Variants in MALRD1 observed in about 807,000 individuals in gnomAD.
MALRD1 encodes MAM and LDL receptor class A domain containing 1.
A neutral mutation model predicts 242.1 loss-of-function variants in MALRD1; 247 were observed. The ratio of observed to expected loss-of-function variants is 1.02; its 90% CI spans 0.92 to 1.13. The LOEUF (loss-of-function observed/expected upper bound fraction) is 1.13, where lower values mean the gene tolerates loss of function less well. Ranked by LOEUF, MALRD1 falls within the 50% of genes most tolerant of loss-of-function variation. The pLI, the probability that MALRD1 is intolerant of heterozygous loss-of-function variation, is 0.00. For synonymous variants in MALRD1, 995 were observed against 866.6 expected (o/e 1.15, Z -2.60); for missense variants, 2,989 against 2,533.1 (o/e 1.18, Z -3.86).
intron 29 of MALRD1, among the ~76,000 whole-genome samples, chr10:19,486,556 C>G (rs1219260811): frequency 6.6e-6 from 1 of 152,092 alleles, no homozygotes; most frequent in Non-Finnish European, 1.5e-5. Context: ...GTTTTGTCAA[C>G]TAAATACCAT....
chr10:19,177,052 G>A (rs377122111), intron 14 of MALRD1, among the ~76,000 whole-genome samples: 7 of 152,040 alleles, frequency 4.6e-5, no homozygotes, highest in Non-Finnish European at 7.4e-5. Flanking sequence ...TGAGCCGGGC[G>A]GATCAGTTGA....
intron 32 of MALRD1, among the ~76,000 whole-genome samples, chr10:19,536,484 A>G (rs1244240194): frequency 2.6e-5 from 4 of 151,832 alleles, no homozygotes; most frequent in Non-Finnish European, 4.4e-5. Flanking sequence ...GAAACATTCT[A>G]CATATGGTAG....
At chr10:19,643,927 C>T (rs983780644) in intron 36 of MALRD1, among the ~76,000 whole-genome samples, 1 of 152,120 alleles carries the variant, frequency 6.6e-6, no homozygotes, top group African/African-American at 2.4e-5. Context: ...AGTATCTTCC[C>T]CAGCTCCCTT....
At chr10:19,129,018 A>G (rs750496138) in intron 8 of MALRD1, among the ~76,000 whole-genome samples, 26 of 152,084 alleles carry the variant, frequency 1.7e-4, no homozygotes, top group African/African-American at 2.4e-4. Flanking sequence ...AGCACTCCCA[A>G]TATCTCACTT....
Position 19,209,521 on chromosome 10 carries a change from C to T in MALRD1, c.2832C>T (p.Arg944=). 1 of 1,550,758 alleles carries T rather than the reference C, an allele frequency of 6.4e-7. No homozygotes were observed. The highest frequency in any genetic ancestry group is 2.4e-5 in the East Asian group (1 of 40,918). ...CTGATACAAAAGGCTGCACCTTCCGCTTCTATTACCACATGTTTGGAAAGC... is the reference window on the plus strand; with the variant it reads ...CTGATACAAAAGGCTGCACCTTCCGTTTCTATTACCACATGTTTGGAAAGC... ...NATDTKGCTF[R]FYYHMFGKRI... Residue 944 remains arginine, a synonymous_variant, in exon 18 of 40, where the codon CGC becomes CGT. Transcript: ENST00000454679.
chr10:19,431,397 T>A (rs1834121272), intron 28 of MALRD1, among the ~76,000 whole-genome samples: 2 of 152,198 alleles, frequency 1.3e-5, no homozygotes, highest in South Asian at 4.1e-4. Context: ...GTTAAGGAAA[T>A]ACAAAATAGC....
intron 28 of MALRD1, among the ~76,000 whole-genome samples, chr10:19,446,924 C>G (rs1835016177): frequency 1.3e-5 from 2 of 152,042 alleles, no homozygotes; most frequent in Non-Finnish European, 2.9e-5. Context: ...TTCACTTTCA[C>G]AATTTAGAAT....
chr10:19,065,287 C>CAAAAAAAA (rs1197670439), intron 1 of MALRD1, among the ~76,000 whole-genome samples: 39 of 50,618 alleles, frequency 7.7e-4, no homozygotes, highest in Middle Eastern at 0.017. Context: ...AACGCTGTCT[C>CAAAAAAAA]AAAAAAAAAA....
chr10:19,078,478 G>T (rs978135904), intron 2 of MALRD1, among the ~76,000 whole-genome samples: 5 of 151,814 alleles, frequency 3.3e-5, no homozygotes, highest in Non-Finnish European at 7.4e-5. Flanking sequence ...TTGTTCTCTT[G>T]TTTGCTTTTC....
intron 32 of MALRD1, among the ~76,000 whole-genome samples, chr10:19,531,971 A>C (rs1780833992): frequency 6.6e-6 from 1 of 152,164 alleles, no homozygotes; most frequent in Non-Finnish European, 1.5e-5. Flanking sequence ...AGTGTTATTA[A>C]CTTACAATTA....
At chr10:19,076,738 T>A (rs1440665991) in intron 2 of MALRD1, among the ~76,000 whole-genome samples, 1 of 152,034 alleles carries the variant, frequency 6.6e-6, no homozygotes, top group Admixed American at 6.6e-5. Context: ...AGTCTTATAA[T>A]TTTGTTATTT....
At chr10:19,694,114 A>G (rs1055865897) in intron 38 of MALRD1, among the ~76,000 whole-genome samples, 16 of 152,270 alleles carry the variant, frequency 1.1e-4, no homozygotes, top group South Asian at 2.1e-4. Flanking sequence ...ACCTAAAACC[A>G]TAAAAACCCT....
intron 21 of MALRD1, among the ~76,000 whole-genome samples, chr10:19,290,961 A>T (rs1236341902): frequency 6.6e-6 from 1 of 152,094 alleles, no homozygotes; most frequent in South Asian, 2.1e-4. Flanking sequence ...CAGTGTTTCT[A>T]TAGTATGTAA....
intron 36 of MALRD1, among the ~76,000 whole-genome samples, chr10:19,640,559 C>T (rs946324276): frequency 3.9e-5 from 6 of 151,942 alleles, no homozygotes; most frequent in Admixed American, 2.0e-4. Flanking sequence ...ATTGAGATAA[C>T]ATTTATTCGT....
chr10:19,105,158 A>T (rs949187628), intron 5 of MALRD1, among the ~76,000 whole-genome samples: 11 of 152,042 alleles, frequency 7.2e-5, no homozygotes, highest in African/African-American at 2.7e-4. Context: ...GTTTCTATAC[A>T]CACACCGTCC....
chr10:19,561,072 T>C (rs142926560), intron 32 of MALRD1, among the ~76,000 whole-genome samples: 9 of 152,238 alleles, frequency 5.9e-5, no homozygotes, highest in African/African-American at 1.9e-4. Context: ...ATTTGAGAAA[T>C]AAAAATAAAA....
intron 28 of MALRD1, among the ~76,000 whole-genome samples, chr10:19,449,566 A>T (rs2131033723): frequency 6.6e-6 from 1 of 152,282 alleles, no homozygotes; most frequent in African/African-American, 2.4e-5. Context: ...ATCATCAGAG[A>T]TGTTGAAGTC....
intron 2 of MALRD1, among the ~76,000 whole-genome samples, chr10:19,078,821 C>T (rs1835397268): frequency 6.6e-6 from 1 of 151,388 alleles, no homozygotes; most frequent in African/African-American, 2.4e-5. Flanking sequence ...CATAGTATTC[C>T]CTTGTAATTC....
At chr10:19,495,002 A>G (rs1047830265) in intron 30 of MALRD1, among the ~76,000 whole-genome samples, 2 of 151,046 alleles carry the variant, frequency 1.3e-5, no homozygotes, top group East Asian at 1.9e-4. Flanking sequence ...TGTAAGACAG[A>G]GTCTTGCTTT....
Sources: allele counts gnomAD v4.1 joint callset (sites outside exome capture counted in the v4.1 genomes callset), GRCh38; gene constraint gnomAD v4.1.1; transcripts MANE v1.5; gene names NCBI Gene and HGNC (gene_info 2026-07-23, HGNC 2026-07-21).